The following PITPNC1 variants were observed in gnomAD, a reference collection of about 807,000 sequenced individuals.
PITPNC1 encodes cytoplasmic phosphatidylinositol transfer protein 1.
In PITPNC1, 18 loss-of-function variants were observed where a neutral mutation model predicts 44.7. The ratio of observed to expected loss-of-function variants is 0.40; its 90% confidence interval spans 0.28 to 0.60. The LOEUF (loss-of-function observed/expected upper bound fraction) is 0.60, where lower values mean the gene tolerates loss of function less well. Ranked by LOEUF, PITPNC1 falls within the 20% of genes least tolerant of loss-of-function variation. The pLI, the probability that PITPNC1 is intolerant of heterozygous loss-of-function variation, is 0.39. For synonymous variants in PITPNC1, 141 were observed against 149.6 expected, an observed-to-expected ratio of 0.94 and a Z score of 0.42; for missense variants, 290 against 418.4, an observed-to-expected ratio of 0.69 and a Z score of 2.68.
At chr17:67,617,008 C>T (rs1195065194) in intron 5 of PITPNC1, among the ~76,000 whole-genome samples, 11 of 152,186 alleles carry the variant, frequency 7.2e-5, no homozygotes, top group Non-Finnish European at 1.3e-4. Flanking sequence ...CACCATCGGC[C>T]GGTCTGAACG....
intron 1 of PITPNC1, among the ~76,000 whole-genome samples, chr17:67,474,580 G>C (rs1392145066): frequency 6.6e-6 from 1 of 152,064 alleles, no homozygotes; most frequent in East Asian, 1.9e-4. Context: ...ATGTGCCCTG[G>C]GGAGCAAAAT....
At chr17:67,391,887 A>T (rs1454878045) in intron 1 of PITPNC1, among the ~76,000 whole-genome samples, 1 of 152,200 alleles carries the variant, frequency 6.6e-6, no homozygotes, top group African/African-American at 2.4e-5. Context: ...GTGGTCCAGA[A>T]ATTTTATCTC....
rs1256220216 is a variant in PITPNC1 at position 67,692,024 on chromosome 17, AAAG to A, written c.683-543_683-541del. Among the ~76,000 whole-genome samples, 3 of 152,090 alleles carry A rather than the reference AAAG, an allele frequency of 2.0e-5. No individual in the cohort carries two copies. In the East Asian group the frequency reaches 5.8e-4, roughly 29 times the overall value. On this transcript the variant is annotated intron_variant, in intron 8 of 8. Coordinates refer to ENST00000581322, the MANE Select transcript of PITPNC1 (RefSeq NM_012417.4). ...ATCCCGTCTCAGAAAGAAAAAAAAA[AAAG>A]AAGATAGTATGTTGAAAAATCCTGA...
intron 1 of PITPNC1, among the ~76,000 whole-genome samples, chr17:67,494,181 T>TTCTC (rs1444889508): frequency 1.7e-5 from 1 of 58,428 alleles, no homozygotes; most frequent in African/African-American, 7.3e-5. Flanking sequence ...CTTTCTTTCT[T>TTCTC]TCTTTTTCTT....
chr17:67,599,023 TATATATATATA>T (rs201350809), intron 5 of PITPNC1, among the ~76,000 whole-genome samples: 1,339 of 35,066 alleles, frequency 0.038, 40 homozygotes, highest in Admixed American at 0.095. Flanking sequence ...TATATATATA[TATATATATATA>T]TTTTTTTTTT....
chr17:67,436,344 G>C (rs1318680110), intron 1 of PITPNC1, among the ~76,000 whole-genome samples: 1 of 152,086 alleles, frequency 6.6e-6, no homozygotes, highest in Non-Finnish European at 1.5e-5. Flanking sequence ...AAATTTCTGC[G>C]AGGATTTGAC....
chr17:67,692,460 G>A (rs1317091985), intron 8 of PITPNC1, 112 bp from the exon 9 acceptor site: 1 of 737,948 alleles, frequency 1.4e-6, no homozygotes, highest in Non-Finnish European at 2.3e-6. Context: ...ATCGGGAGAG[G>A]CCCCTTTATG....
In PITPNC1 at chr17:67,465,753, G is replaced by A. The variant is rs2039417342; in HGVS notation, c.49-67049G>A. Among the ~76,000 whole-genome samples, 5 of 152,198 alleles carry A rather than the reference G, an allele frequency of 3.3e-5. No homozygotes were observed. In the South Asian group the frequency reaches 1.0e-3, roughly 32 times the overall value. On this transcript the variant is annotated intron_variant, in intron 1 of 8. Transcript: ENST00000581322. Reference sequence around the variant, plus strand: ...TGGGAAGCACTGGAGACCTTGAACTGGAAATTCTCTTCCTGGGATCAACCA... The same window carrying A: ...TGGGAAGCACTGGAGACCTTGAACTAGAAATTCTCTTCCTGGGATCAACCA...
At chr17:67,481,187 G>A (rs893939818) in intron 1 of PITPNC1, among the ~76,000 whole-genome samples, 7 of 152,222 alleles carry the variant, frequency 4.6e-5, no homozygotes, top group South Asian at 2.1e-4. Context: ...CAGCCTAGGC[G>A]ACAGAGCGAG....
chr17:67,491,281 A>G (rs2039861432), intron 1 of PITPNC1, among the ~76,000 whole-genome samples: 1 of 152,226 alleles, frequency 6.6e-6, no homozygotes, highest in African/African-American at 2.4e-5. Flanking sequence ...CCCGCAGGAC[A>G]CTGAGGACCG....
intron 5 of PITPNC1, among the ~76,000 whole-genome samples, chr17:67,620,259 G>T (rs1220821935): frequency 6.6e-6 from 1 of 152,048 alleles, no homozygotes; most frequent in Non-Finnish European, 1.5e-5. Flanking sequence ...TCACTATGTT[G>T]CCCCGGCTGG....
intron 4 of PITPNC1, among the ~76,000 whole-genome samples, chr17:67,564,806 C>A (rs923791168): frequency 2.0e-5 from 3 of 152,054 alleles, no homozygotes; most frequent in Non-Finnish European, 4.4e-5. Flanking sequence ...TAAATTTTTT[C>A]TGCTTACTAA....
intron 5 of PITPNC1, among the ~76,000 whole-genome samples, chr17:67,608,465 C>T (rs1439142490): frequency 2.0e-5 from 3 of 150,570 alleles, no homozygotes; most frequent in African/African-American, 7.3e-5. Context: ...CTTTAGTCTC[C>T]TCTTTAATCT....
chr17:67,615,530 G>C (rs2041746936), intron 5 of PITPNC1, among the ~76,000 whole-genome samples: 1 of 152,156 alleles, frequency 6.6e-6, no homozygotes, highest in Non-Finnish European at 1.5e-5. Flanking sequence ...TCTTGAGGCT[G>C]AGCTAGTGTA....
At chr17:67,506,816 A>G (rs4791289) in intron 1 of PITPNC1, among the ~76,000 whole-genome samples, 63,568 of 151,566 alleles carry the variant, frequency 0.42, 14,040 homozygotes, top group East Asian at 0.62. Context: ...CAGTTAGAAA[A>G]AGCACATTTC....
intron 1 of PITPNC1, among the ~76,000 whole-genome samples, chr17:67,473,499 T>G (rs2039580249): frequency 6.6e-6 from 1 of 151,908 alleles, no homozygotes; most frequent in Non-Finnish European, 1.5e-5. Context: ...CGGCTAATTT[T>G]TTTGTATTTT....
intron 1 of PITPNC1, among the ~76,000 whole-genome samples, chr17:67,505,771 A>T (rs2916149): frequency 2.0e-5 from 3 of 151,980 alleles, no homozygotes; most frequent in African/African-American, 7.3e-5. Context: ...CACCGCGCCC[A>T]GCCCAAGTTG....
chr17:67,398,474 A>T (rs766999740), intron 1 of PITPNC1, among the ~76,000 whole-genome samples: 2 of 151,562 alleles, frequency 1.3e-5, no homozygotes, highest in Non-Finnish European at 2.9e-5. Flanking sequence ...CAATTGGTTC[A>T]ACTTTCTAGG....
intron 5 of PITPNC1, among the ~76,000 whole-genome samples, chr17:67,602,455 T>C (rs1301483591): frequency 6.6e-6 from 1 of 151,936 alleles, no homozygotes; most frequent in Non-Finnish European, 1.5e-5. Context: ...GTGAAGGTCG[T>C]TGGAGGAGAA....
Sources: allele counts gnomAD v4.1 joint callset (sites outside exome capture counted in the v4.1 genomes callset), GRCh38; gene constraint gnomAD v4.1.1; transcripts MANE v1.5; gene names NCBI Gene and HGNC (gene_info 2026-07-23, HGNC 2026-07-21).